The following TMPRSS11F variants were observed in gnomAD, a reference collection of about 807,000 sequenced individuals.
TMPRSS11F encodes the protein transmembrane serine protease 11F.
Under a neutral mutation model 60.2 loss-of-function variants are expected in TMPRSS11F, and 47 were observed. That is an observed-to-expected ratio of 0.78 (90% CI 0.62 to 1.00). The LOEUF (loss-of-function observed/expected upper bound fraction) is 1.00. Among genes scored for constraint, TMPRSS11F ranks in the 50% least tolerant of loss-of-function variants. The probability of loss-of-function intolerance (pLI) is 0.00; values close to 1 mark genes in which losing one functional copy is unlikely to be tolerated. For missense variants in TMPRSS11F, 519 were observed against 522.9 expected (o/e 0.99, Z 0.07); for synonymous variants, 166 against 167.3 (o/e 0.99, Z 0.06).
At position 68,065,481 on chromosome 4, in the gene TMPRSS11F, C is replaced by T. The variant is rs181914223; in HGVS notation, c.756-537G>A. Among the ~76,000 whole-genome samples, 305 of 152,308 alleles carry T rather than the reference C, an allele frequency of 2.0e-3. 1 individual carries two copies. The highest frequency in any genetic ancestry group is 7.0e-3 in the African/African-American group (293 of 41,566). Reference sequence around the variant, plus strand: ...AATCCTAACTCAAAGTCAGCTCCTACCGCCCATGGATCTGGCCTGGTCAGT... The same window carrying T: ...AATCCTAACTCAAAGTCAGCTCCTATCGCCCATGGATCTGGCCTGGTCAGT... On this transcript the variant is annotated intron_variant, in intron 7 of 9. Coordinates refer to ENST00000356291, the MANE Select transcript of TMPRSS11F (RefSeq NM_207407.2).
At chr4:68,099,589 A>T (rs375318189) in intron 1 of TMPRSS11F, among the ~76,000 whole-genome samples, 7 of 152,188 alleles carry the variant, frequency 4.6e-5, no homozygotes, top group East Asian at 1.9e-4. Flanking sequence ...TACATCATTT[A>T]CCTTTTTCCA....
intron 3 of TMPRSS11F, among the ~76,000 whole-genome samples, chr4:68,075,968 G>C (rs1723575540): frequency 6.6e-6 from 1 of 151,306 alleles, no homozygotes; most frequent in African/African-American, 2.4e-5. Flanking sequence ...ACTCCAGCCT[G>C]GGCAACAGAG....
intron 7 of TMPRSS11F, 91 bp downstream of exon 7, chr4:68,068,527 A>T: frequency 9.0e-7 from 1 of 1,105,292 alleles, no homozygotes; most frequent in Non-Finnish European, 1.4e-6. Context: ...AGCAAAGGTT[A>T]AACTGGAGAG....
intron 9 of TMPRSS11F, among the ~76,000 whole-genome samples, chr4:68,055,505 T>C (rs1723025631): frequency 6.6e-6 from 1 of 152,120 alleles, no homozygotes; most frequent in Admixed American, 6.6e-5. Context: ...GACTGAATCA[T>C]GAAGAAGTGG....
At chr4:68,076,734 G>A (rs1723591723) in intron 3 of TMPRSS11F, among the ~76,000 whole-genome samples, 1 of 152,038 alleles carries the variant, frequency 6.6e-6, no homozygotes, top group African/African-American at 2.4e-5. Context: ...ATAACCAATG[G>A]CAGTCAAGAT....
intron 3 of TMPRSS11F, among the ~76,000 whole-genome samples, chr4:68,079,252 T>C (rs1301540919): frequency 6.6e-6 from 1 of 151,928 alleles, no homozygotes; most frequent in East Asian, 1.9e-4. Context: ...TAATCTTGTC[T>C]AAGGTGGCAC....
Position 68,127,142 on chromosome 4 carries a change from T to A in TMPRSS11F, c.11+2668A>T, listed in dbSNP as rs988148281. Among the ~76,000 whole-genome samples, 3 of 152,200 alleles carry A rather than the reference T, an allele frequency of 2.0e-5. No homozygotes were observed. In the East Asian group the frequency reaches 5.8e-4, roughly 29 times the overall value. ...GCCCTTCATAGTCAGAATGATCACTTCAGCTTTATCTGACAACTTCCAACA... is the reference window on the plus strand; with the variant it reads ...GCCCTTCATAGTCAGAATGATCACTACAGCTTTATCTGACAACTTCCAACA... On this transcript the variant is annotated intron_variant, in intron 1 of 9. Transcript: ENST00000356291.
intron 3 of TMPRSS11F, among the ~76,000 whole-genome samples, chr4:68,089,936 G>T (rs1252243456): frequency 1.3e-5 from 2 of 152,068 alleles, no homozygotes; most frequent in Non-Finnish European, 2.9e-5. Context: ...GATCTCCATA[G>T]CCATGCTTTT....
intron 1 of TMPRSS11F, among the ~76,000 whole-genome samples, chr4:68,103,956 G>A (rs1345412141): frequency 1.3e-5 from 2 of 151,934 alleles, no homozygotes; most frequent in East Asian, 1.9e-4. Context: ...TTTCAATTAG[G>A]TTGTTATTTG....
intron 1 of TMPRSS11F, among the ~76,000 whole-genome samples, chr4:68,111,487 C>T: frequency 6.6e-6 from 1 of 152,102 alleles, no homozygotes; most frequent in East Asian, 1.9e-4. Flanking sequence ...TGATAATGGC[C>T]CTAAATTTCT....
At chr4:68,056,297 G>A (rs1051154498) in intron 9 of TMPRSS11F, among the ~76,000 whole-genome samples, 11 of 152,092 alleles carry the variant, frequency 7.2e-5, no homozygotes, top group African/African-American at 2.7e-4. Context: ...ACAAAAAGCT[G>A]TTAGAAGAGA....
At chr4:68,124,723 C>T (rs748537625) in intron 1 of TMPRSS11F, among the ~76,000 whole-genome samples, 1 of 152,020 alleles carries the variant, frequency 6.6e-6, no homozygotes, top group Non-Finnish European at 1.5e-5. Context: ...AGAGTTAAGG[C>T]TGTTGTTTGG....
chr4:68,105,514 A>T (rs936180343), intron 1 of TMPRSS11F, among the ~76,000 whole-genome samples: 1 of 152,180 alleles, frequency 6.6e-6, no homozygotes, highest in Non-Finnish European at 1.5e-5. Context: ...TAAAATGAAG[A>T]ATAAAAGTCT....
intron 7 of TMPRSS11F, among the ~76,000 whole-genome samples, chr4:68,066,249 A>G (rs1723326576): frequency 6.6e-6 from 1 of 152,170 alleles, no homozygotes; most frequent in Non-Finnish European, 1.5e-5. Context: ...TTTGAAAACT[A>G]GACACTAGAT....
At position 68,053,770 on chromosome 4, in the gene TMPRSS11F, A is replaced by T. The variant is rs568650356; in HGVS notation, c.*139T>A. The T allele has an allele frequency of 1.2e-4, 96 of 784,378 alleles. No individual in the cohort carries two copies. The African/African-American group carries it at 1.6e-3, about 13-fold the overall frequency. The allele number at this position is 784,378 out of a possible 1,614,324, so 48.6% of individuals were successfully genotyped here. Reference sequence around the variant, plus strand: ...CTACGTATGTAAAGGCCACCTCAGGATATTAGATTTGTCTGGGTCTGAAGG... The same window carrying T: ...CTACGTATGTAAAGGCCACCTCAGGTTATTAGATTTGTCTGGGTCTGAAGG... On this transcript the variant is annotated 3_prime_UTR_variant, in exon 10 of 10. Transcript: ENST00000356291.
At chr4:68,124,455 G>A (rs1307544445) in intron 1 of TMPRSS11F, among the ~76,000 whole-genome samples, 3 of 152,188 alleles carry the variant, frequency 2.0e-5, no homozygotes, top group Non-Finnish European at 2.9e-5. Context: ...AGAGGTTGCA[G>A]TGAGCAGCGA....
At position 68,089,555 on chromosome 4, in the gene TMPRSS11F, C is replaced by T. The variant is rs149167712; in HGVS notation, c.282+968G>A. 4.7e-3 allele frequency among the ~76,000 whole-genome samples: 716 copies of T among 152,154 alleles called. 8 individuals are homozygous for T. Among genetic ancestry groups the T allele is most frequent in the African/African-American group, 0.017 (695 of 41,544 alleles). ...ATATATTCATACTTAATTCCAGGAA[C>T]ATTATTTGAATGGCATAAGAACTGT... On this transcript the variant is annotated intron_variant, in intron 3 of 9. Transcript: ENST00000356291.
chr4:68,079,392 A>T (rs1331712787), intron 3 of TMPRSS11F, among the ~76,000 whole-genome samples: 1 of 152,188 alleles, frequency 6.6e-6, no homozygotes, highest in Non-Finnish European at 1.5e-5. Flanking sequence ...GGTGGGAGAC[A>T]GGCAGGTAGG....
At chr4:68,091,291 T>C (rs1205776985) in intron 2 of TMPRSS11F, among the ~76,000 whole-genome samples, 1 of 152,116 alleles carries the variant, frequency 6.6e-6, no homozygotes, top group African/African-American at 2.4e-5. Flanking sequence ...ATCTTCTAGT[T>C]TTCTTCCACC....
Sources: gnomAD v4.1 joint callset for allele counts (sites outside exome capture counted in the v4.1 genomes callset) on GRCh38, gnomAD v4.1.1 for gene constraint, MANE v1.5 for transcripts, NCBI Gene and HGNC (gene_info 2026-07-23, HGNC 2026-07-21) for gene names.